Variants in CHSY3 observed in about 807,000 individuals in gnomAD.
CHSY3 encodes N-acetylgalactosaminyl-proteoglycan 3-beta-glucuronosyltransferase 3.
Under a neutral mutation model 67.2 loss-of-function variants are expected in CHSY3, and 35 were observed. That is an observed-to-expected ratio of 0.52 (90% CI 0.40 to 0.69). CHSY3 has a LOEUF of 0.69. Ranked by LOEUF, CHSY3 falls within the 30% of genes least tolerant of loss-of-function variation. The pLI, the probability that CHSY3 is intolerant of heterozygous loss-of-function variation, is 0.00. For missense variants in CHSY3, 1,069 were observed against 1,138.5 expected, an observed-to-expected ratio of 0.94 and a Z score of 0.88; for synonymous variants, 474 against 434.7, an observed-to-expected ratio of 1.09 and a Z score of -1.12.
chr5:130,103,334 GT>G (rs1253397140), intron 2 of CHSY3, among the ~76,000 whole-genome samples: 1 of 151,984 alleles, frequency 6.6e-6, no homozygotes, highest in East Asian at 1.9e-4. Flanking sequence ...ATATTATGAA[GT>G]TATATTAGAA....
intron 2 of CHSY3, among the ~76,000 whole-genome samples, chr5:129,943,821 A>G (rs373718803): frequency 1.1e-3 from 173 of 152,342 alleles, no homozygotes; most frequent in South Asian, 1.7e-3. Flanking sequence ...ATGAGCATTT[A>G]CAGCTTTTTT....
chr5:130,125,040 A>G (rs377017925), intron 2 of CHSY3, among the ~76,000 whole-genome samples: 12 of 152,256 alleles, frequency 7.9e-5, no homozygotes, highest in African/African-American at 2.6e-4. Flanking sequence ...CAAGCCTTTG[A>G]GAGGCCGATG....
intron 2 of CHSY3, among the ~76,000 whole-genome samples, chr5:129,996,348 G>T (rs569837904): frequency 6.6e-6 from 1 of 152,190 alleles, no homozygotes; most frequent in Admixed American, 6.5e-5. Context: ...ACTTTTACAG[G>T]ACTGTATTCA....
intron 2 of CHSY3, among the ~76,000 whole-genome samples, chr5:130,153,311 C>A (rs1321303010): frequency 6.6e-6 from 1 of 151,678 alleles, no homozygotes; most frequent in African/African-American, 2.4e-5. Context: ...AAAAAAAAAA[C>A]ATACGACATA....
chr5:130,179,651 A>G (rs903961827), intron 2 of CHSY3, among the ~76,000 whole-genome samples: 1 of 152,040 alleles, frequency 6.6e-6, no homozygotes, highest in Non-Finnish European at 1.5e-5. Flanking sequence ...ATATGTTTTC[A>G]AAACCAGGTG....
intron 2 of CHSY3, among the ~76,000 whole-genome samples, chr5:129,971,158 C>G (rs1049732415): frequency 6.6e-6 from 1 of 151,436 alleles, no homozygotes; most frequent in African/African-American, 2.4e-5. Context: ...TTCTGTTATC[C>G]CATTTGTAAT....
intron 2 of CHSY3, among the ~76,000 whole-genome samples, chr5:130,057,432 A>G (rs1291094833): frequency 6.6e-6 from 1 of 152,092 alleles, no homozygotes; most frequent in Non-Finnish European, 1.5e-5. Context: ...GTTTTCTGAA[A>G]CTAAAATATA....
intron 2 of CHSY3, among the ~76,000 whole-genome samples, chr5:130,173,339 TA>T (rs564535338): frequency 4.0e-5 from 6 of 151,286 alleles, no homozygotes; most frequent in African/African-American, 1.2e-4. Flanking sequence ...CATACAGTTG[TA>T]AAAAAAAATA....
At position 129,905,122 on chromosome 5, in the gene CHSY3, T is replaced by A. The variant is rs1321393963; in HGVS notation, c.293T>A (p.Phe98Tyr). The stretch of plus-strand genomic sequence containing the variant: ...GAGGCAGCACCCGGGATCACCAGTT[T>A]TCGAAGCAGCCCCTGGCAGCAGCCA... The part of the protein sequence containing the change: ...LPEAAPGITS[F>Y]RSSPWQQPPP... Residue 98 changes from phenylalanine (F) to tyrosine (Y), a missense_variant, in exon 1 of 3, where the codon TTT (phenylalanine) becomes TAT (tyrosine). Phe to Tyr is a conservative substitution (Grantham distance 22). This residue lies in a region of CHSY3 where 309 missense variants were observed against 262.5 expected (regional missense o/e 1.18). Transcript: ENST00000305031. 6.5e-7 allele frequency: 1 copy of A among 1,537,940 alleles called. No individual in the cohort carries two copies. Among genetic ancestry groups the A allele is most frequent in the Non-Finnish European group, 8.7e-7 (1 of 1,148,100 alleles).
At chr5:130,063,429 G>A (rs552195550) in intron 2 of CHSY3, among the ~76,000 whole-genome samples, 6 of 152,128 alleles carry the variant, frequency 3.9e-5, no homozygotes, top group East Asian at 3.9e-4. Context: ...CTGATTTTTC[G>A]TTGTTGTGAC....
intron 2 of CHSY3, among the ~76,000 whole-genome samples, chr5:130,069,415 A>T (rs1049711780): frequency 5.9e-5 from 9 of 151,968 alleles, no homozygotes; most frequent in African/African-American, 2.2e-4. Context: ...TTTTGGGAGG[A>T]TGAGGTGGAG....
chr5:130,136,360 A>T (rs567332702), intron 2 of CHSY3, among the ~76,000 whole-genome samples: 139 of 152,280 alleles, frequency 9.1e-4, no homozygotes, highest in African/African-American at 3.3e-3. Context: ...CTGTGTATGG[A>T]TGGTTGCAAA....
Position 130,158,751 on chromosome 5 carries a change from A to G in CHSY3, c.1087-25478A>G, listed in dbSNP as rs141845945. Among the ~76,000 whole-genome samples, 1,477 of 152,264 alleles carry G rather than the reference A, an allele frequency of 9.7e-3. 29 individuals are homozygous for G. Among genetic ancestry groups the G allele is most frequent in the African/African-American group, 0.034 (1,404 of 41,546 alleles). ...AAAAGCATTACTTAAGTATGAACAG[A>G]CAAAAAGAAAGTTGTCATCAAGGGA... On this transcript the variant is annotated intron_variant, in intron 2 of 2. Coordinates refer to ENST00000305031, the MANE Select transcript of CHSY3 (RefSeq NM_175856.5).
chr5:130,076,121 T>C (rs920119945), intron 2 of CHSY3, among the ~76,000 whole-genome samples: 3 of 152,116 alleles, frequency 2.0e-5, no homozygotes, highest in Admixed American at 1.3e-4. Flanking sequence ...CCCTGTGCCA[T>C]TGTACTTCTA....
chr5:129,956,431 G>T (rs1762176245), intron 2 of CHSY3, among the ~76,000 whole-genome samples: 1 of 151,770 alleles, frequency 6.6e-6, no homozygotes, highest in African/African-American at 2.4e-5. Flanking sequence ...AATTTGTTTA[G>T]GTTCCTTATA....
chr5:130,124,851 TAA>T (rs1214941669), intron 2 of CHSY3, among the ~76,000 whole-genome samples: 2 of 152,068 alleles, frequency 1.3e-5, no homozygotes, highest in Admixed American at 1.3e-4. Context: ...AGTATAATAA[TAA>T]AAAAAGAGTT....
At chr5:130,144,949 C>T (rs1190741167) in intron 2 of CHSY3, among the ~76,000 whole-genome samples, 3 of 152,134 alleles carry the variant, frequency 2.0e-5, no homozygotes, top group Non-Finnish European at 4.4e-5. Context: ...AACTTACAAT[C>T]ATGGTGGAAG....
chr5:130,058,750 CA>C (rs1765616739), intron 2 of CHSY3, among the ~76,000 whole-genome samples: 2 of 152,216 alleles, frequency 1.3e-5, no homozygotes, highest in Middle Eastern at 3.2e-3. Context: ...TGCCTTAAAA[CA>C]GCAGAAATAT....
chr5:129,915,558 TCAA>T (rs1760705894), intron 2 of CHSY3, among the ~76,000 whole-genome samples: 1 of 152,220 alleles, frequency 6.6e-6, no homozygotes, highest in Non-Finnish European at 1.5e-5. Flanking sequence ...AAAGTTTTAC[TCAA>T]CCTTTGTAAT....
Sources: allele counts gnomAD v4.1 joint callset (sites outside exome capture counted in the v4.1 genomes callset), GRCh38; gene constraint gnomAD v4.1.1; regional missense constraint gnomAD v4.1.1; transcripts MANE v1.5; gene names NCBI Gene and HGNC (gene_info 2026-07-23, HGNC 2026-07-21).